ZC3H12B: variants seen among roughly 807,000 people sequenced by gnomAD.
ZC3H12B encodes probable ribonuclease ZC3H12B.
ZC3H12B carries 7 observed loss-of-function variants against 43.9 expected under a neutral mutation model. That is an observed-to-expected ratio of 0.16 (90% CI 0.09 to 0.30). The LOEUF (loss-of-function observed/expected upper bound fraction) is 0.30. Among genes scored for constraint, ZC3H12B ranks in the 10% least tolerant of loss-of-function variants. The probability of loss-of-function intolerance (pLI) is 1.00; values close to 1 mark genes in which losing one functional copy is unlikely to be tolerated. For missense variants in ZC3H12B, 475 were observed against 670.2 expected (o/e 0.71, Z 3.22); for synonymous variants, 222 against 241.7 (o/e 0.92, Z 0.76).
chrX:65,170,460 C>T, the ZC3H12B span, among the ~76,000 whole-genome samples: 9 of 111,689 alleles, frequency 8.1e-5, no homozygotes, highest in Non-Finnish European at 1.1e-4. Context: ...TCTGGCTGCC[C>T]TTAACATTTT....
At chrX:65,390,843 G>A (rs1470583781) in intron 2 of ZC3H12B, among the ~76,000 whole-genome samples, 1 of 111,964 alleles carries the variant, frequency 8.9e-6, no homozygotes, top group Non-Finnish European at 1.9e-5. Context: ...AAGTCTTAAA[G>A]TATTCAACAA....
At chrX:65,224,734 A>G in the ZC3H12B span, among the ~76,000 whole-genome samples, 6 of 111,858 alleles carry the variant, frequency 5.4e-5, no homozygotes, top group East Asian at 2.8e-4. Context: ...CCCGCACATG[A>G]CTCAGAGGGT....
At chrX:65,099,997 A>T in the ZC3H12B span, among the ~76,000 whole-genome samples, 1 of 112,067 alleles carries the variant, frequency 8.9e-6, no homozygotes, top group Non-Finnish European at 1.9e-5. Context: ...AAAAGGTTAC[A>T]GAAACTGTTA....
At chrX:65,154,967 GTT>G in the ZC3H12B span, among the ~76,000 whole-genome samples, 1 of 102,129 alleles carries the variant, frequency 9.8e-6, no homozygotes. Context: ...GTTTGCTAAG[GTT>G]TTTTTTTTTT....
chrX:65,106,274 A>T, the ZC3H12B span, among the ~76,000 whole-genome samples: 1 of 112,114 alleles, frequency 8.9e-6, no homozygotes, highest in African/African-American at 3.2e-5. Flanking sequence ...AGATGAGTAG[A>T]TAAATTGGCA....
At chrX:65,109,313 C>A in the ZC3H12B span, among the ~76,000 whole-genome samples, 1 of 111,361 alleles carries the variant, frequency 9.0e-6, no homozygotes, top group African/African-American at 3.2e-5. Context: ...TTTCATTACC[C>A]CAAAAATAAA....
At chrX:65,252,503 C>T in the ZC3H12B span, among the ~76,000 whole-genome samples, 1 of 111,320 alleles carries the variant, frequency 9.0e-6, no homozygotes, top group Non-Finnish European at 1.9e-5. Flanking sequence ...CTATTATTAC[C>T]CCCTTTTTAC....
the ZC3H12B span, among the ~76,000 whole-genome samples, chrX:65,279,908 C>T: frequency 8.9e-6 from 1 of 111,815 alleles, no homozygotes; most frequent in Non-Finnish European, 1.9e-5. Context: ...AAAAGTGGGC[C>T]AAGGACATGA....
the ZC3H12B span, among the ~76,000 whole-genome samples, chrX:65,354,111 C>G: frequency 8.9e-6 from 1 of 112,282 alleles, no homozygotes; most frequent in Non-Finnish European, 1.9e-5. Flanking sequence ...AGCGCTCGAG[C>G]TCTGCTAAGG....
chrX:65,036,901 G>A, the ZC3H12B span, among the ~76,000 whole-genome samples: 9 of 109,804 alleles, frequency 8.2e-5, no homozygotes, highest in African/African-American at 3.0e-4. Context: ...ATTTACCTAG[G>A]GTGTCGTAAT....
the ZC3H12B span, among the ~76,000 whole-genome samples, chrX:65,292,990 T>C: frequency 1.8e-5 from 2 of 111,962 alleles, no homozygotes; most frequent in African/African-American, 3.2e-5. Context: ...TCTCAAAAAA[T>C]ACAATAAAAT....
At chrX:65,443,375 T>C (rs1024900746) in intron 3 of ZC3H12B, among the ~76,000 whole-genome samples, 8 of 110,464 alleles carry the variant, frequency 7.2e-5, no homozygotes, top group African/African-American at 9.9e-5. Context: ...GACCCTAACC[T>C]AGAGGCCGAC....
chrX:65,435,770 C>T (rs2067214571), intron 3 of ZC3H12B, among the ~76,000 whole-genome samples: 1 of 111,061 alleles, frequency 9.0e-6, no homozygotes, highest in Non-Finnish European at 1.9e-5. Context: ...CTAAGAAGTT[C>T]CACAGTATAC....
chrX:65,463,554 T>C (rs2067779272), intron 3 of ZC3H12B, among the ~76,000 whole-genome samples: 1 of 111,613 alleles, frequency 9.0e-6, no homozygotes, highest in Non-Finnish European at 1.9e-5. Context: ...GAAATCTAGG[T>C]GCTGGCAGGG....
chrX:65,217,851 G>T, the ZC3H12B span, among the ~76,000 whole-genome samples: 3 of 111,567 alleles, frequency 2.7e-5, no homozygotes, highest in African/African-American at 9.8e-5. Context: ...GCCTTAAAGA[G>T]GATATGGAGA....
At chrX:65,285,112 T>A in the ZC3H12B span, among the ~76,000 whole-genome samples, 797 of 108,973 alleles carry the variant, frequency 7.3e-3, 25 homozygotes, top group Admixed American at 0.05. Context: ...AGAGAATAAT[T>A]ATTATTATTA....
chrX:65,121,858 G>A, the ZC3H12B span, among the ~76,000 whole-genome samples: 6 of 111,151 alleles, frequency 5.4e-5, no homozygotes, highest in African/African-American at 1.3e-4. Flanking sequence ...CTTTGTTCTC[G>A]TTGGTTTCGA....
intron 3 of ZC3H12B, among the ~76,000 whole-genome samples, chrX:65,454,836 G>A (rs1417442240): frequency 8.9e-6 from 1 of 111,832 alleles, no homozygotes; most frequent in Admixed American, 9.5e-5. Flanking sequence ...CCGCTGTTCT[G>A]CAGCCTCCAC....
intron 3 of ZC3H12B, among the ~76,000 whole-genome samples, chrX:65,421,232 T>C (rs2148083461): frequency 8.9e-6 from 1 of 112,499 alleles, no homozygotes; most frequent in South Asian, 3.7e-4. Context: ...ATCTGTTCTA[T>C]GGATACCAGT....
Sources: allele counts gnomAD v4.1 joint callset (sites outside exome capture counted in the v4.1 genomes callset), GRCh38; gene constraint gnomAD v4.1.1; transcripts MANE v1.5; gene names NCBI Gene and HGNC (gene_info 2026-07-23, HGNC 2026-07-21).